The following LHFPL6 variants were observed in gnomAD, a reference collection of about 807,000 sequenced individuals.
LHFPL6 encodes LHFPL tetraspan subfamily member 6.
A neutral mutation model predicts 20.6 loss-of-function variants in LHFPL6; 9 were observed. That is an observed-to-expected ratio of 0.44 (90% CI 0.26 to 0.76). The LOEUF (loss-of-function observed/expected upper bound fraction) is 0.76, where lower values mean the gene tolerates loss of function less well. Ranked by LOEUF, LHFPL6 falls within the 30% of genes least tolerant of loss-of-function variation. The pLI is 0.20. For synonymous variants in LHFPL6, 105 were observed against 98.7 expected, an observed-to-expected ratio of 1.06 and a Z score of -0.38; for missense variants, 218 against 253.5, an observed-to-expected ratio of 0.86 and a Z score of 0.95.
rs1869304401 is a variant in LHFPL6 at position 39,343,545 on chromosome 13, T to C, written c.*391A>G. On this transcript the variant is annotated 3_prime_UTR_variant, in exon 4 of 4. Transcript: ENST00000379589. ...TCTACTAGCCCTTTGATTTTCTGAG[T>C]CCTCACCTTAAAAAAAAAAAACTAA... The C allele has an allele frequency of 4.3e-6, 1 of 232,518 alleles. No individual in the cohort carries two copies. The highest frequency in any genetic ancestry group is 1.8e-4 in the South Asian group (1 of 5,582). 14.4% of individuals were successfully genotyped at this position (232,518 alleles called of 1,614,324 possible).
chr13:39,533,328 T>C (rs1280891466), intron 2 of LHFPL6, among the ~76,000 whole-genome samples: 1 of 152,174 alleles, frequency 6.6e-6, no homozygotes, highest in South Asian at 2.1e-4. Flanking sequence ...TCCAGGGTGG[T>C]AGGATGGCTC....
chr13:39,389,570 T>C (rs1429243878), intron 2 of LHFPL6, among the ~76,000 whole-genome samples: 1 of 152,084 alleles, frequency 6.6e-6, no homozygotes, highest in Non-Finnish European at 1.5e-5. Context: ...TTTTGAAACT[T>C]AGCCTTTCTC....
chr13:39,555,616 A>G (rs140793666), intron 2 of LHFPL6, among the ~76,000 whole-genome samples: 14 of 152,358 alleles, frequency 9.2e-5, no homozygotes, highest in Admixed American at 9.1e-4. Context: ...GTTCACAATA[A>G]TAAACATAAG....
At chr13:39,443,454 A>C (rs1464038164) in intron 2 of LHFPL6, among the ~76,000 whole-genome samples, 3 of 152,210 alleles carry the variant, frequency 2.0e-5, no homozygotes, top group Non-Finnish European at 4.4e-5. Context: ...AAATACCTGA[A>C]AAGTGGAAGC....
At chr13:39,539,524 C>T (rs1372720618) in intron 2 of LHFPL6, among the ~76,000 whole-genome samples, 1 of 152,186 alleles carries the variant, frequency 6.6e-6, no homozygotes, top group African/African-American at 2.4e-5. Context: ...TTCAAGTCCT[C>T]TGGATACTGG....
intron 2 of LHFPL6, among the ~76,000 whole-genome samples, chr13:39,484,779 A>C (rs1412472989): frequency 6.6e-6 from 1 of 152,086 alleles, no homozygotes; most frequent in Non-Finnish European, 1.5e-5. Context: ...TCACTTGCGG[A>C]GGGGGATGAA....
At chr13:39,602,712 C>G (rs550382658) in intron 1 of LHFPL6, among the ~76,000 whole-genome samples, 171 bp downstream of exon 1, 11 of 152,362 alleles carry the variant, frequency 7.2e-5, no homozygotes, top group Non-Finnish European at 1.5e-4. Context: ...GCAGCACCCC[C>G]CGGAGGCAGA....
At chr13:39,367,347 A>T (rs1870040103) in intron 3 of LHFPL6, among the ~76,000 whole-genome samples, 1 of 152,238 alleles carries the variant, frequency 6.6e-6, no homozygotes, top group African/African-American at 2.4e-5. Flanking sequence ...CTGAACATGT[A>T]TCCCCTGAAT....
chr13:39,394,600 T>C (rs375303980), intron 2 of LHFPL6, among the ~76,000 whole-genome samples: 7 of 152,340 alleles, frequency 4.6e-5, no homozygotes, highest in Admixed American at 4.6e-4. Context: ...AAAATTGTTG[T>C]GAAGTTCTCC....
intron 2 of LHFPL6, among the ~76,000 whole-genome samples, chr13:39,532,043 A>G (rs1870483299): frequency 6.6e-6 from 1 of 152,194 alleles, no homozygotes; most frequent in Non-Finnish European, 1.5e-5. Flanking sequence ...TGCCAACAGC[A>G]GGAATGTAAA....
intron 2 of LHFPL6, among the ~76,000 whole-genome samples, chr13:39,438,076 A>G (rs191919949): frequency 6.6e-6 from 1 of 152,322 alleles, no homozygotes; most frequent in East Asian, 1.9e-4. Flanking sequence ...AGACGTATTA[A>G]ATTGTTGTGA....
In LHFPL6 at chr13:39,358,939, G is replaced by A. The variant is rs1384865152; in HGVS notation, c.485-14885C>T. On this transcript the variant is annotated intron_variant, in intron 3 of 3. Coordinates refer to ENST00000379589, the MANE Select transcript of LHFPL6 (RefSeq NM_005780.3). ...TGTAATCCTAGCACTTTGGGAGGCC[G>A]AGGAGGGTGGATCACAAGGTCAGGA... is the stretch of plus-strand genomic sequence containing the variant. 2.6e-5 allele frequency among the ~76,000 whole-genome samples: 4 copies of A among 152,156 alleles called. No homozygotes were observed. In the South Asian group the frequency reaches 6.2e-4, roughly 24 times the overall value.
chr13:39,596,693 A>G (rs1872782164), intron 2 of LHFPL6, among the ~76,000 whole-genome samples: 1 of 151,912 alleles, frequency 6.6e-6, no homozygotes, highest in South Asian at 2.1e-4. Flanking sequence ...TCCCCAAGTG[A>G]CCTAAGAAGA....
intron 2 of LHFPL6, among the ~76,000 whole-genome samples, chr13:39,524,982 AT>A (rs1439838581): frequency 1.3e-5 from 2 of 152,234 alleles, no homozygotes; most frequent in Non-Finnish European, 2.9e-5. Flanking sequence ...CAACTTTGTC[AT>A]GCTGCTGATG....
At chr13:39,371,417 C>T (rs767077698) in intron 3 of LHFPL6, among the ~76,000 whole-genome samples, 1 of 152,060 alleles carries the variant, frequency 6.6e-6, no homozygotes, top group African/African-American at 2.4e-5. Context: ...CTTACTGTTG[C>T]GGAATGTAAA....
intron 3 of LHFPL6, among the ~76,000 whole-genome samples, chr13:39,361,201 G>A (rs191872268): frequency 0.013 from 1,270 of 97,464 alleles, 346 homozygotes; most frequent in African/African-American, 0.035. Flanking sequence ...TACTAACGCC[G>A]TCACTATTAA....
At chr13:39,479,125 C>CTATA (rs1555264224) in intron 2 of LHFPL6, among the ~76,000 whole-genome samples, 1 of 126,816 alleles carries the variant, frequency 7.9e-6, no homozygotes, top group Non-Finnish European at 1.8e-5. Flanking sequence ...ATCCATCTAT[C>CTATA]TATCTATCTA....
At chr13:39,419,217 TA>T (rs1871421946) in intron 2 of LHFPL6, among the ~76,000 whole-genome samples, 1 of 152,162 alleles carries the variant, frequency 6.6e-6, no homozygotes, top group African/African-American at 2.4e-5. Flanking sequence ...AGAACACTTT[TA>T]GATGTGAAAA....
intron 2 of LHFPL6, among the ~76,000 whole-genome samples, chr13:39,565,069 T>G (rs1168153781): frequency 2.0e-5 from 3 of 152,204 alleles, no homozygotes; most frequent in Non-Finnish European, 4.4e-5. Context: ...AAGACCGATC[T>G]CCAAAGATCA....
Sources: allele counts gnomAD v4.1 joint callset (sites outside exome capture counted in the v4.1 genomes callset), GRCh38; gene constraint gnomAD v4.1.1; transcripts MANE v1.5; gene names NCBI Gene and HGNC (gene_info 2026-07-23, HGNC 2026-07-21).